UBAC2: variants seen among roughly 807,000 people sequenced by gnomAD.
The protein encoded by UBAC2 is UBA domain containing 2.
Under a neutral mutation model 44.0 loss-of-function variants are expected in UBAC2, and 26 were observed. The ratio of observed to expected loss-of-function variants is 0.59; its 90% CI spans 0.43 to 0.82. The LOEUF is 0.82. Ranked by LOEUF, UBAC2 falls within the 40% of genes least tolerant of loss-of-function variation. The pLI, the probability that UBAC2 is intolerant of heterozygous loss-of-function variation, is 0.00. For missense variants in UBAC2, 329 were observed against 419.4 expected (o/e 0.78, Z 1.88); for synonymous variants, 155 against 154.3 (o/e 1.00, Z -0.04).
intron 4 of UBAC2, among the ~76,000 whole-genome samples, chr13:99,250,747 T>C (rs2043447804): frequency 6.8e-6 from 1 of 147,700 alleles, no homozygotes; most frequent in African/African-American, 2.5e-5. Flanking sequence ...TTGATTTTTT[T>C]CTTTTTTCTT....
At chr13:99,247,198 T>C (rs1305716060) in intron 4 of UBAC2, among the ~76,000 whole-genome samples, 1 of 88,130 alleles carries the variant, frequency 1.1e-5, no homozygotes, top group African/African-American at 3.3e-5. Flanking sequence ...AACTACTGTT[T>C]TTTTTTTTTT....
At chr13:99,216,734 C>T (rs1003676400) in intron 1 of UBAC2, among the ~76,000 whole-genome samples, 1 of 151,918 alleles carries the variant, frequency 6.6e-6, no homozygotes, top group African/African-American at 2.4e-5. Context: ...TTTGGAAGGG[C>T]GGGAACGTGG....
chr13:99,343,381 C>A (rs1194286149), intron 7 of UBAC2, among the ~76,000 whole-genome samples: 3 of 152,210 alleles, frequency 2.0e-5, no homozygotes, highest in Non-Finnish European at 4.4e-5. Flanking sequence ...TCTTTCCCCC[C>A]AGATACTTGG....
intron 4 of UBAC2, chr13:99,255,370 G>C: frequency 6.2e-7 from 1 of 1,614,214 alleles, no homozygotes; most frequent in South Asian, 1.1e-5. Flanking sequence ...GGTGGCGGGA[G>C]TGGAGTCTTT....
At chr13:99,251,139 T>G (rs1426052947) in intron 4 of UBAC2, among the ~76,000 whole-genome samples, 1 of 152,162 alleles carries the variant, frequency 6.6e-6, no homozygotes, top group Non-Finnish European at 1.5e-5. Flanking sequence ...TATCTTTTTG[T>G]GTGTGTTGTG....
At chr13:99,212,500 G>C (rs1323331394) in intron 1 of UBAC2, among the ~76,000 whole-genome samples, 1 of 152,198 alleles carries the variant, frequency 6.6e-6, no homozygotes, top group East Asian at 1.9e-4. Flanking sequence ...TCTTTGGAAA[G>C]GGTTCTGTAG....
At chr13:99,227,501 T>C (rs1166762145) in intron 1 of UBAC2, among the ~76,000 whole-genome samples, 1 of 152,188 alleles carries the variant, frequency 6.6e-6, no homozygotes, top group Non-Finnish European at 1.5e-5. Context: ...CAAGTCACAC[T>C]GCCATGCCTC....
chr13:99,217,146 G>A (rs965927580), intron 1 of UBAC2, among the ~76,000 whole-genome samples: 1 of 152,068 alleles, frequency 6.6e-6, no homozygotes, highest in South Asian at 2.1e-4. Flanking sequence ...CCTCGTTTTC[G>A]AATTAATTTT....
At position 99,321,471 on chromosome 13, in the gene UBAC2, G is replaced by T. The variant is rs370039128; in HGVS notation, c.561+3402G>T. On this transcript the variant is annotated intron_variant, in intron 6 of 8. Transcript: ENST00000403766. ...TTGCAGGTGCACGCCACCAAGCCCG[G>T]CTACTTTTTTTGTATTTTTAGTAGA... 1.1e-4 allele frequency among the ~76,000 whole-genome samples: 16 copies of T among 152,194 alleles called. No homozygotes were observed. The East Asian group carries it at 1.7e-3, about 17-fold the overall frequency.
intron 7 of UBAC2, among the ~76,000 whole-genome samples, chr13:99,355,931 G>A (rs1158261326): frequency 6.6e-6 from 1 of 152,248 alleles, no homozygotes; most frequent in Non-Finnish European, 1.5e-5. Flanking sequence ...TCCCCAGATG[G>A]AACTGGCTGG....
chr13:99,335,214 A>G (rs1358290361), intron 6 of UBAC2, among the ~76,000 whole-genome samples: 4 of 152,216 alleles, frequency 2.6e-5, no homozygotes, highest in Non-Finnish European at 5.9e-5. Context: ...CTTCATTCAA[A>G]TCTCACAGCT....
intron 7 of UBAC2, among the ~76,000 whole-genome samples, chr13:99,355,378 G>A (rs959013613): frequency 6.6e-6 from 1 of 152,168 alleles, no homozygotes; most frequent in South Asian, 2.1e-4. Flanking sequence ...CTCAGTCCTC[G>A]CTGTGTGGCC....
chr13:99,361,169 G>T (rs1454858346), intron 7 of UBAC2, among the ~76,000 whole-genome samples: 3 of 152,086 alleles, frequency 2.0e-5, no homozygotes, highest in Admixed American at 6.5e-5. Context: ...ATATACACAA[G>T]AATTTTTACT....
chr13:99,338,929 G>A (rs566642317), intron 6 of UBAC2, among the ~76,000 whole-genome samples: 6 of 152,188 alleles, frequency 3.9e-5, no homozygotes, highest in African/African-American at 1.2e-4. Flanking sequence ...CCTTACTGGC[G>A]TTTCCTACTC....
At chr13:99,285,803 A>G (rs909500092) in intron 4 of UBAC2, among the ~76,000 whole-genome samples, 2 of 152,120 alleles carry the variant, frequency 1.3e-5, no homozygotes, top group East Asian at 3.9e-4. Context: ...TCTGGATATG[A>G]TTTAGGTTCC....
At chr13:99,368,694 T>A (rs1021467752) in intron 8 of UBAC2, among the ~76,000 whole-genome samples, 54 of 146,082 alleles carry the variant, frequency 3.7e-4, no homozygotes, top group Admixed American at 9.5e-4. Context: ...AGAGAGTGTG[T>A]GTGTGTGTGT....
intron 8 of UBAC2, among the ~76,000 whole-genome samples, chr13:99,373,045 C>T (rs1292165872): frequency 1.3e-5 from 2 of 152,018 alleles, no homozygotes; most frequent in African/African-American, 4.8e-5. Context: ...GGTGTGAACC[C>T]GAGAGGCAGA....
intron 1 of UBAC2, among the ~76,000 whole-genome samples, chr13:99,237,102 T>C: frequency 6.6e-6 from 1 of 152,152 alleles, no homozygotes; most frequent in East Asian, 1.9e-4. Context: ...ATAGCCAAAA[T>C]GTGGAATCAA....
rs1025468629 is a variant in UBAC2, at chr13:99,328,433, G to A, written c.561+10364G>A. On this transcript the variant is annotated intron_variant, in intron 6 of 8. Coordinates refer to ENST00000403766, the MANE Select transcript of UBAC2 (RefSeq NM_001144072.2). ...AAATACTACCATGTTATTTTACAAA[G>A]TGGCTCTACCATTTTGCATTTCCAC... 2.6e-5 allele frequency among the ~76,000 whole-genome samples: 4 copies of A among 152,188 alleles called. No individual in the cohort carries two copies. The South Asian group carries it at 8.3e-4, about 32-fold the overall frequency.
Sources: gnomAD v4.1 joint callset for allele counts (sites outside exome capture counted in the v4.1 genomes callset) on GRCh38, gnomAD v4.1.1 for gene constraint, MANE v1.5 for transcripts, NCBI Gene and HGNC (gene_info 2026-07-23, HGNC 2026-07-21) for gene names.